Variants in RDM1 observed in about 807,000 individuals in gnomAD.
RDM1 encodes the protein RAD52 motif containing 1.
In RDM1, 28 loss-of-function variants were observed where a neutral mutation model predicts 27.7. The ratio of observed to expected loss-of-function variants is 1.01; its 90% confidence interval spans 0.75 to 1.39. RDM1 has a LOEUF of 1.39. RDM1 is among the 40% of genes most tolerant of loss of function. The pLI, the probability that RDM1 is intolerant of heterozygous loss-of-function variation, is 0.00. For missense variants in RDM1, 277 were observed against 337.3 expected, an observed-to-expected ratio of 0.82 and a Z score of 1.40; for synonymous variants, 124 against 127.5, an observed-to-expected ratio of 0.97 and a Z score of 0.19.
intron 6 of RDM1, 138 bp downstream of exon 6, chr17:35,920,049 G>A: frequency 1.9e-6 from 1 of 522,284 alleles, no homozygotes; most frequent in East Asian, 3.6e-5. Flanking sequence ...AAAAGCCCCA[G>A]AAATACTCTG....
chr17:35,930,032 G>T, intron 2 of RDM1, 44 bp downstream of exon 2: 1 of 1,529,998 alleles, frequency 6.5e-7, no homozygotes, highest in Non-Finnish European at 9.0e-7. Context: ...ATTGAATTCA[G>T]CACTTCATTT....
chr17:35,927,560 A>G (rs1403627923), intron 2 of RDM1, among the ~76,000 whole-genome samples: 3 of 152,182 alleles, frequency 2.0e-5, no homozygotes, highest in African/African-American at 7.2e-5. Flanking sequence ...TCTTTTCTGT[A>G]TTTAGAAAGG....
chr17:35,930,603 T>A, intron 1 of RDM1, 29 bp downstream of exon 1: 1 of 1,597,318 alleles, frequency 6.3e-7, no homozygotes, highest in East Asian at 2.2e-5. Context: ...GCTTTCTCCA[T>A]CCCTCCCTCC....
intron 3 of RDM1, among the ~76,000 whole-genome samples, 180 bp downstream of exon 3, chr17:35,925,335 C>G (rs1452613434): frequency 6.6e-6 from 1 of 152,162 alleles, no homozygotes; most frequent in Non-Finnish European, 1.5e-5. Context: ...TACCACCATC[C>G]AATTGACTGA....
intron 5 of RDM1, among the ~76,000 whole-genome samples, 184 bp from the exon 6 acceptor site, chr17:35,920,456 C>CTTTTT (rs60990791): frequency 0.091 from 10,734 of 117,602 alleles, 543 homozygotes; most frequent in East Asian, 0.18. Context: ...TTCTTTCTTT[C>CTTTTT]TTTTTTTTTT....
intron 4 of RDM1, among the ~76,000 whole-genome samples, chr17:35,923,732 C>T (rs1300903351): frequency 6.6e-6 from 1 of 152,144 alleles, no homozygotes; most frequent in Admixed American, 6.5e-5. Context: ...GCCTACTCCA[C>T]TCCATTAGCC....
intron 1 of RDM1, 60 bp from the exon 2 acceptor site, chr17:35,930,315 T>C: frequency 6.2e-7 from 1 of 1,604,076 alleles, no homozygotes; most frequent in African/African-American, 1.3e-5. Flanking sequence ...AAACCGCACA[T>C]GCCCTCATAT....
intron 4 of RDM1, among the ~76,000 whole-genome samples, chr17:35,922,975 C>G (rs1362029193): frequency 6.6e-6 from 1 of 152,196 alleles, no homozygotes; most frequent in Non-Finnish European, 1.5e-5. Flanking sequence ...TACACTCCTA[C>G]AGACCCTACC....
intron 2 of RDM1, among the ~76,000 whole-genome samples, chr17:35,926,682 T>C (rs2089162635): frequency 6.6e-6 from 1 of 152,108 alleles, no homozygotes; most frequent in South Asian, 2.1e-4. Context: ...GGGATACAGG[T>C]GTGAGCCACT....
chr17:35,922,767 G>T, intron 4 of RDM1, 92 bp from the exon 5 acceptor site: 1 of 1,049,474 alleles, frequency 9.5e-7, no homozygotes, highest in Non-Finnish European at 1.4e-6. Context: ...ACGATTCTTA[G>T]CTCAAAACCT....
At chr17:35,928,114 G>C (rs2089209299) in intron 2 of RDM1, among the ~76,000 whole-genome samples, 1 of 152,160 alleles carries the variant, frequency 6.6e-6, no homozygotes, top group African/African-American at 2.4e-5. Context: ...ATGAGGAATG[G>C]AATATAGAGA....
intron 3 of RDM1, among the ~76,000 whole-genome samples, chr17:35,925,128 G>C (rs1263574095): frequency 8.6e-5 from 13 of 152,022 alleles, no homozygotes; most frequent in Non-Finnish European, 1.5e-5. Flanking sequence ...GCGAGCCTCT[G>C]TCTCAAAAAC....
In RDM1 at chr17:35,930,747, C is replaced by T. The variant is rs764913617; in HGVS notation, c.-20G>A. The T allele has an allele frequency of 1.7e-5, 28 of 1,610,240 alleles. No individual in the cohort carries two copies. The South Asian group carries it at 3.1e-4, about 18-fold the overall frequency. The stretch of plus-strand genomic sequence containing the variant: ...CGCCATCCTCCCTTCACCGCACCTG[C>T]GCGGCTAACCCTCGCCCCAGCATTG... On this transcript the variant is annotated 5_prime_UTR_variant, in exon 1 of 7. Transcript: ENST00000620284.
chr17:35,920,414 C>T, intron 5 of RDM1, 142 bp from the exon 6 acceptor site: 1 of 429,562 alleles, frequency 2.3e-6, no homozygotes, highest in Non-Finnish European at 4.1e-6. Flanking sequence ...GTTTCCTTAT[C>T]TCCTCATCTC....
rs2089294611 is a variant in RDM1, at chr17:35,930,663, A to T, written c.65T>A (p.Leu22Gln). Residue 22 changes from leucine (L) to glutamine (Q), a missense_variant, in exon 1 of 7, where the codon CTG (leucine) becomes CAG (glutamine). Transcript: ENST00000620284. ...AGCCTCGGCCGTGGGTCCGGAGCTC[A>T]GCTCCCACACTAGCAAGGTTTTGTC... The part of the protein sequence containing the change: ...ESDKTLLVWE[L>Q]SSGPTAEALH... The T allele has an allele frequency of 1.2e-6, 2 of 1,613,678 alleles. No homozygotes were observed. The highest frequency in any genetic ancestry group is 1.7e-6 in the Non-Finnish European group (2 of 1,179,968).
chr17:35,925,197 C>T (rs2089098037), intron 3 of RDM1, among the ~76,000 whole-genome samples: 1 of 152,080 alleles, frequency 6.6e-6, no homozygotes, highest in African/African-American at 2.4e-5. Context: ...CAACTACACT[C>T]CAGTCATTCA....
Position 35,920,265 on chromosome 17 carries a change from A to C in RDM1, c.675T>G (p.Gly225=). 6.4e-7 allele frequency: 1 copy of C among 1,565,092 alleles called. No homozygotes were observed. Among genetic ancestry groups the C allele is most frequent in the Non-Finnish European group, 8.7e-7 (1 of 1,146,472 alleles). ...TGGGTCTGTACTCCACAGCTATTTT[A>C]CCACTTTCTGAAATAAAGTTAGCGA... is the stretch of plus-strand genomic sequence containing the variant. ...QKLLIVVLES[G]KIAVEYRPSE... Residue 225 remains glycine, a synonymous_variant, in exon 6 of 7, where the codon GGT becomes GGG. Transcript: ENST00000620284.
chr17:35,926,041 G>A (rs868393921), intron 2 of RDM1, among the ~76,000 whole-genome samples: 3 of 152,080 alleles, frequency 2.0e-5, no homozygotes, highest in Non-Finnish European at 2.9e-5. Context: ...GGCTGAGGCA[G>A]GGGAATCGCT....
Position 35,918,082 on chromosome 17 carries a change from T to A in RDM1, c.*260A>T. 1.8e-6 allele frequency: 1 copy of A among 558,356 alleles called. No individual in the cohort carries two copies. Among genetic ancestry groups the A allele is most frequent in the East Asian group, 3.0e-5 (1 of 33,532 alleles). The allele number at this position is 558,356 out of a possible 1,614,324, so 34.6% of individuals were successfully genotyped here. A position where few individuals can be genotyped will look rare whatever the true frequency, so the allele number is the denominator to read the frequency against. On this transcript the variant is annotated 3_prime_UTR_variant, in exon 7 of 7. Transcript: ENST00000620284. ...CCTCGTCCGTTATTTACCATATCTT[T>A]ATCTAGGCAACCTTTATTAAGTTCC...
Sources: allele counts gnomAD v4.1 joint callset (sites outside exome capture counted in the v4.1 genomes callset), GRCh38; gene constraint gnomAD v4.1.1; transcripts MANE v1.5; gene names NCBI Gene and HGNC (gene_info 2026-07-23, HGNC 2026-07-21).